KIF1A: variants seen among roughly 807,000 people sequenced by gnomAD.
KIF1A encodes kinesin family member 1A, also known as kinesin-like protein KIF1A.
In KIF1A, 46 loss-of-function variants were observed where a neutral mutation model predicts 227.3. That is an observed-to-expected ratio of 0.20 (90% confidence interval 0.16 to 0.26). The LOEUF (loss-of-function observed/expected upper bound fraction) is 0.26. Ranked by LOEUF, KIF1A falls within the 10% of genes least tolerant of loss-of-function variation. The probability of loss-of-function intolerance (pLI) is 1.00; values close to 1 mark genes in which losing one functional copy is unlikely to be tolerated. For synonymous variants in KIF1A, 1,022 were observed against 1,012.8 expected, an observed-to-expected ratio of 1.01 and a Z score of -0.17; for missense variants, 1,683 against 2,485.9, an observed-to-expected ratio of 0.68 and a Z score of 6.87.
intron 37 of KIF1A, among the ~76,000 whole-genome samples, chr2:240,738,369 G>C (rs1407142931): frequency 6.6e-6 from 1 of 152,152 alleles, no homozygotes; most frequent in African/African-American, 2.4e-5. Flanking sequence ...GGACACCCGG[G>C]GTCTCTCCTC....
At chr2:240,771,258 A>C in intron 14 of KIF1A, 154 bp from the exon 15 acceptor site, 5 of 887,852 alleles carry the variant, frequency 5.6e-6, no homozygotes, top group Admixed American at 2.4e-5. Context: ...AAAGTAAGAG[A>C]TGGGGCCCAG....
At chr2:240,782,561 C>T in intron 10 of KIF1A, 29 bp downstream of exon 10, 1 of 1,551,040 alleles carries the variant, frequency 6.4e-7, no homozygotes, top group Non-Finnish European at 8.7e-7. Flanking sequence ...CCTCCCGCAC[C>T]TGCCCCGGGG....
intron 46 of KIF1A, among the ~76,000 whole-genome samples, chr2:240,719,464 C>T (rs1345490583): frequency 6.6e-6 from 1 of 152,246 alleles, no homozygotes; most frequent in Non-Finnish European, 1.5e-5. Context: ...AAGGCTGTCA[C>T]ACTGTACCCA....
At chr2:240,730,416 A>T (rs2046471528) in intron 38 of KIF1A, among the ~76,000 whole-genome samples, 1 of 151,948 alleles carries the variant, frequency 6.6e-6, no homozygotes, top group Non-Finnish European at 1.5e-5. Flanking sequence ...CTTGGAGACC[A>T]CTCCAGGACC....
chr2:240,793,115 C>T lies in KIF1A; in HGVS notation c.107-3803G>A, dbSNP rs1056251737. 8.5e-5 allele frequency among the ~76,000 whole-genome samples: 13 copies of T among 152,230 alleles called. No individual in the cohort carries two copies. The highest frequency in any genetic ancestry group is 8.3e-4 in the South Asian group (4 of 4,834). On this transcript the variant is annotated intron_variant, in intron 2 of 48. Coordinates refer to ENST00000498729, the MANE Select transcript of KIF1A (RefSeq NM_001244008.2). The surrounding 1 kb of genome is among the most constrained non-coding windows in gnomAD (Gnocchi z 4.8). The stretch of plus-strand genomic sequence containing the variant: ...GGACCACACGGGTGCTACTGCTGCC[C>T]GTGCAGAGGGGCTTGCCCAGGTCCC...
At chr2:240,750,357 G>A (rs150949028) in intron 28 of KIF1A, 72 bp downstream of exon 28, 15 of 1,139,034 alleles carry the variant, frequency 1.3e-5, no homozygotes, top group Middle Eastern at 2.0e-4. Flanking sequence ...TTGGGCCCAC[G>A]CCTCTGCCTG....
chr2:240,794,044 C>T lies in KIF1A; in HGVS notation c.106+3603G>A, dbSNP rs1209866139. On this transcript the variant is annotated intron_variant, in intron 2 of 48. Transcript: ENST00000498729. Reference sequence around the variant, plus strand: ...GTGAGTGCTCCTGGCAGGTGGACATCCACCCGCACCCTCTCATGCCCTGTC... The same window carrying T: ...GTGAGTGCTCCTGGCAGGTGGACATTCACCCGCACCCTCTCATGCCCTGTC... Among the ~76,000 whole-genome samples, 2 of 152,224 alleles carry T rather than the reference C, an allele frequency of 1.3e-5. 1 individual carries two copies. Among genetic ancestry groups the T allele is most frequent in the Admixed American group, 1.3e-4 (2 of 15,288 alleles).
At chr2:240,821,291 G>A (rs1314156357), upstream of KIF1A, among the ~76,000 whole-genome samples, 2 of 152,242 alleles carry the variant, frequency 1.3e-5, no homozygotes, top group African/African-American at 2.4e-5. Context: ...TGCCCTAGCG[G>A]CCTCGCCGTT....
intron 12 of KIF1A, among the ~76,000 whole-genome samples, chr2:240,773,647 G>A (rs1264981199): frequency 2.0e-5 from 3 of 152,172 alleles, no homozygotes; most frequent in African/African-American, 2.4e-5. Context: ...TGTACCAGCC[G>A]ATGCACATGT....
At position 240,789,122 on chromosome 2, in the gene KIF1A, G is replaced by T. The variant is rs971459803; in HGVS notation, c.183+114C>A. On this transcript the variant is annotated intron_variant, in intron 3 of 48. Coordinates refer to ENST00000498729, the MANE Select transcript of KIF1A (RefSeq NM_001244008.2). This position sits in a 1 kb window ranked among gnomAD's most constrained non-coding sequence, Gnocchi z 4.8. ...TGACCTTCCAGGGGAGCAGGGTGGG[G>T]TCCTCGCCCCAGTTAGAGAGGAATG... 1 of 819,452 alleles carries T rather than the reference G, an allele frequency of 1.2e-6. No individual in the cohort carries two copies. Among genetic ancestry groups the T allele is most frequent in the Non-Finnish European group, 2.0e-6 (1 of 492,314 alleles). The allele number at this position is 819,452 out of a possible 1,614,324, so 50.8% of individuals were successfully genotyped here.
intron 15 of KIF1A, among the ~76,000 whole-genome samples, chr2:240,770,695 C>A (rs889571577): frequency 1.5e-4 from 23 of 152,356 alleles, no homozygotes; most frequent in African/African-American, 3.8e-4. Context: ...ACACCCAGGT[C>A]TAGGGTCCTG....
Position 240,741,075 on chromosome 2 carries a change from G to C in KIF1A, c.3749+194C>G, listed in dbSNP as rs147979022. Among the ~76,000 whole-genome samples, 4 of 152,268 alleles carry C rather than the reference G, an allele frequency of 2.6e-5. 1 individual carries two copies. Among genetic ancestry groups the C allele is most frequent in the African/African-American group, 9.6e-5 (4 of 41,550 alleles). ...CAGCACCTCCCTGCCCCTCATGCCAGCTCCTCCAGGACTTTGTCTGCTTTT... is the reference window on the plus strand; with the variant it reads ...CAGCACCTCCCTGCCCCTCATGCCACCTCCTCCAGGACTTTGTCTGCTTTT... On this transcript the variant is annotated intron_variant, in intron 35 of 48. Coordinates refer to ENST00000498729, the MANE Select transcript of KIF1A (RefSeq NM_001244008.2).
intron 37 of KIF1A, among the ~76,000 whole-genome samples, chr2:240,738,703 A>T (rs1442547161): frequency 6.6e-6 from 1 of 152,216 alleles, no homozygotes; most frequent in South Asian, 2.1e-4. Flanking sequence ...ACCCAACCCC[A>T]CATAAACAGA....
rs760855881 is a variant in KIF1A at position 240,717,036 on chromosome 2, C to A, written c.*328G>T. The A allele has an allele frequency of 5.9e-6, 2 of 337,482 alleles. No individual in the cohort carries two copies. The highest frequency in any genetic ancestry group is 1.1e-5 in the Non-Finnish European group (2 of 185,568). The allele number at this position is 337,482 out of a possible 1,614,324, so 20.9% of individuals were successfully genotyped here. A position where few individuals can be genotyped will look rare whatever the true frequency, so the allele number is the denominator to read the frequency against. On this transcript the variant is annotated 3_prime_UTR_variant, in exon 49 of 49. Coordinates refer to ENST00000498729, the MANE Select transcript of KIF1A (RefSeq NM_001244008.2). Reference sequence around the variant, plus strand: ...TGACTGTTTCAATGTCACTAACTAACGTATATTAATTATAAGTCTGTCTAT... The same window carrying A: ...TGACTGTTTCAATGTCACTAACTAAAGTATATTAATTATAAGTCTGTCTAT...
intron 27 of KIF1A, among the ~76,000 whole-genome samples, chr2:240,755,221 C>T (rs1033061607): frequency 1.3e-5 from 2 of 152,224 alleles, no homozygotes; most frequent in African/African-American, 2.4e-5. Context: ...GGTGAGGAGC[C>T]CCAGTGCAGA....
chr2:240,767,200 T>A, intron 18 of KIF1A, 66 bp downstream of exon 18: 1 of 1,384,820 alleles, frequency 7.2e-7, no homozygotes, highest in South Asian at 1.2e-5. Context: ...GAATGGGGAG[T>A]CCAGCCTTCC....
rs11685726 is a variant in KIF1A, at chr2:240,812,119, G to A, written c.-61+8003C>T. On this transcript the variant is annotated intron_variant, in intron 1 of 48. Coordinates refer to ENST00000498729, the MANE Select transcript of KIF1A (RefSeq NM_001244008.2). ...CACTGGGCGCACCGGGCCACGCCCC[G>A]CAAGTCACTGCAGGCACAGAGGGCA... Among the ~76,000 whole-genome samples the A allele has an allele frequency of 8.6e-3, 1,304 of 152,332 alleles. 9 individuals carry two copies. The highest frequency in any genetic ancestry group is 0.023 in the South Asian group (109 of 4,830).
At chr2:240,787,852 C>T (rs1001663334) in intron 4 of KIF1A, among the ~76,000 whole-genome samples, 199 bp downstream of exon 4, 12 of 152,180 alleles carry the variant, frequency 7.9e-5, no homozygotes, top group African/African-American at 2.9e-4. Flanking sequence ...CCTTCCTGCA[C>T]CTGGGGCCTG....
chr2:240,816,322 G>A (rs987048555), intron 1 of KIF1A, among the ~76,000 whole-genome samples: 3 of 152,038 alleles, frequency 2.0e-5, no homozygotes, highest in African/African-American at 7.3e-5. Context: ...ATGGGTGGGT[G>A]TGCGTGCATG....
Sources: gnomAD v4.1 joint callset for allele counts (sites outside exome capture counted in the v4.1 genomes callset) on GRCh38, gnomAD v4.1.1 for gene constraint, Gnocchi (gnomAD v3.1) non-coding constraint, MANE v1.5 for transcripts, NCBI Gene and HGNC (gene_info 2026-07-23, HGNC 2026-07-21) for gene names.